HCN1: variants seen among roughly 807,000 people sequenced by gnomAD.
The protein encoded by HCN1 is potassium/sodium hyperpolarization-activated cyclic nucleotide-gated channel 1.
HCN1 carries 13 observed loss-of-function variants against 78.9 expected under a neutral mutation model. The ratio of observed to expected loss-of-function variants is 0.16; its 90% CI spans 0.11 to 0.26. The LOEUF (loss-of-function observed/expected upper bound fraction) is 0.26, where lower values mean the gene tolerates loss of function less well. HCN1 is among the 10% of genes least tolerant of loss of function. HCN1 has a pLI of 1.00. For missense variants in HCN1, 810 were observed against 1,154.3 expected (o/e 0.70, Z 4.32); for synonymous variants, 552 against 455.5 (o/e 1.21, Z -2.70).
At chr5:45,394,676 C>A (rs187148862) in intron 4 of HCN1, among the ~76,000 whole-genome samples, 2 of 151,944 alleles carry the variant, frequency 1.3e-5, no homozygotes, top group African/African-American at 4.8e-5. Context: ...ATTAGTCAGG[C>A]GTGGTGGCAG....
At chr5:45,556,409 T>C (rs888104194) in intron 2 of HCN1, among the ~76,000 whole-genome samples, 3 of 151,996 alleles carry the variant, frequency 2.0e-5, no homozygotes, top group Non-Finnish European at 4.4e-5. Flanking sequence ...GATAAGGCCA[T>C]TGTTCTCTGC....
At chr5:45,367,169 C>T (rs143992272) in intron 4 of HCN1, among the ~76,000 whole-genome samples, 327 of 151,768 alleles carry the variant, frequency 2.2e-3, no homozygotes, top group Admixed American at 4.7e-3. Context: ...GTCCTTGAGT[C>T]TTAAGTTAAA....
intron 5 of HCN1, among the ~76,000 whole-genome samples, chr5:45,312,937 G>C (rs567903206): frequency 1.4e-4 from 22 of 152,252 alleles, no homozygotes; most frequent in South Asian, 4.1e-4. Context: ...TCCACCTCTG[G>C]GGGCAGGGCA....
intron 2 of HCN1, among the ~76,000 whole-genome samples, chr5:45,543,529 TAAAG>T (rs1365598614): frequency 6.6e-6 from 1 of 152,122 alleles, no homozygotes; most frequent in Admixed American, 6.6e-5. Context: ...AATAACTATA[TAAAG>T]AAATTAATGA....
At chr5:45,359,027 C>T (rs1008460624) in intron 4 of HCN1, among the ~76,000 whole-genome samples, 2 of 152,052 alleles carry the variant, frequency 1.3e-5, no homozygotes, top group African/African-American at 2.4e-5. Flanking sequence ...CTTTCTGTAA[C>T]CCCAAGATGG....
At chr5:45,375,102 T>A (rs1224272008) in intron 4 of HCN1, among the ~76,000 whole-genome samples, 2 of 122,962 alleles carry the variant, frequency 1.6e-5, no homozygotes, top group Non-Finnish European at 3.2e-5. Flanking sequence ...AATATAATAT[T>A]TTATAATATA....
At chr5:45,357,840 G>C (rs747052701) in intron 4 of HCN1, among the ~76,000 whole-genome samples, 1 of 152,030 alleles carries the variant, frequency 6.6e-6, no homozygotes, top group Non-Finnish European at 1.5e-5. Flanking sequence ...GGTCATAGGG[G>C]TGGATCCCTC....
Position 45,303,695 on chromosome 5 carries a change from C to A in HCN1, c.1522G>T (p.Val508Leu), listed in dbSNP as rs180790607. The A allele has an allele frequency of 6.2e-7, 1 of 1,613,562 alleles. No homozygotes were observed. Among genetic ancestry groups the A allele is most frequent in the African/African-American group, 1.3e-5 (1 of 74,988 alleles). The change falls in exon 6 of 8, where the codon GTG becomes TTG. Residue 508 changes from valine to leucine, a missense_variant. Transcript: ENST00000303230. ...TGAATGAAATACATTTTTTTACCCA[C>A]GGCTCCTTCTCGTATGATATAATCT... ...PGDYIIREGA[V>L]GKKMYFIQHG... is the part of the protein sequence containing the mutation.
At chr5:45,359,096 T>C (rs1009924411) in intron 4 of HCN1, among the ~76,000 whole-genome samples, 1 of 152,116 alleles carries the variant, frequency 6.6e-6, no homozygotes, top group African/African-American at 2.4e-5. Context: ...ATGACTCCTG[T>C]ACATACATGT....
chr5:45,531,671 G>A (rs994247984), intron 2 of HCN1, among the ~76,000 whole-genome samples: 1 of 151,846 alleles, frequency 6.6e-6, no homozygotes, highest in Admixed American at 6.6e-5. Context: ...TGATTTTTTT[G>A]CCTGCTAGAA....
At chr5:45,265,365 A>T (rs1306851845) in intron 7 of HCN1, among the ~76,000 whole-genome samples, 1 of 152,188 alleles carries the variant, frequency 6.6e-6, no homozygotes, top group Non-Finnish European at 1.5e-5. Context: ...AAACACTCAC[A>T]CACTACAAAG....
chr5:45,505,975 A>G (rs1431792413), intron 2 of HCN1, among the ~76,000 whole-genome samples: 2 of 152,128 alleles, frequency 1.3e-5, no homozygotes, highest in East Asian at 1.9e-4. Flanking sequence ...TGGTAAGTTC[A>G]AATGTAAATA....
At chr5:45,449,644 C>T (rs1469818772) in intron 3 of HCN1, among the ~76,000 whole-genome samples, 1 of 151,698 alleles carries the variant, frequency 6.6e-6, no homozygotes, top group African/African-American at 2.4e-5. Flanking sequence ...TTTCAACCTT[C>T]CCAGCATGCT....
intron 5 of HCN1, among the ~76,000 whole-genome samples, chr5:45,330,862 A>G (rs1746329716): frequency 6.6e-6 from 1 of 151,166 alleles, no homozygotes; most frequent in African/African-American, 2.4e-5. Flanking sequence ...ATCTTTCTCA[A>G]AAGTATGGGT....
At chr5:45,654,545 G>A (rs972933295) in intron 1 of HCN1, among the ~76,000 whole-genome samples, 20 of 151,970 alleles carry the variant, frequency 1.3e-4, no homozygotes, top group African/African-American at 4.3e-4. Flanking sequence ...CAACAAAAAT[G>A]TATTCTAGTA....
chr5:45,694,319 T>C (rs1739965684), intron 1 of HCN1, among the ~76,000 whole-genome samples: 1 of 152,222 alleles, frequency 6.6e-6, no homozygotes, highest in African/African-American at 2.4e-5. Flanking sequence ...ATACACTTTC[T>C]AAAATCCATT....
chr5:45,332,117 T>A (rs902808209), intron 5 of HCN1, among the ~76,000 whole-genome samples: 1 of 151,206 alleles, frequency 6.6e-6, no homozygotes, highest in Non-Finnish European at 1.5e-5. Flanking sequence ...TCTATTTAGC[T>A]CAGTGTAGAG....
At chr5:45,566,407 T>C (rs759762616) in intron 2 of HCN1, among the ~76,000 whole-genome samples, 2 of 152,196 alleles carry the variant, frequency 1.3e-5, no homozygotes, top group Non-Finnish European at 2.9e-5. Context: ...TAGTTTACTA[T>C]TTCAGTATTT....
At chr5:45,372,230 ATATAT>A (rs1253678825) in intron 4 of HCN1, among the ~76,000 whole-genome samples, 4 of 73,626 alleles carry the variant, frequency 5.4e-5, no homozygotes, top group East Asian at 5.0e-4. Flanking sequence ...TATATATAAT[ATATAT>A]TATATTTTAT....
Sources: allele counts gnomAD v4.1 joint callset (sites outside exome capture counted in the v4.1 genomes callset), GRCh38; gene constraint gnomAD v4.1.1; transcripts MANE v1.5; gene names NCBI Gene and HGNC (gene_info 2026-07-23, HGNC 2026-07-21).